CCDC192: variants seen among roughly 807,000 people sequenced by gnomAD.
The protein encoded by CCDC192 is coiled-coil domain-containing protein 192.
chr5:127,835,304 A>C (rs1212089939), intron 5 of CCDC192, among the ~76,000 whole-genome samples: 1 of 152,220 alleles, frequency 6.6e-6, no homozygotes, highest in Admixed American at 6.5e-5. Flanking sequence ...CAGTCAGCAC[A>C]AAATCTGAAA....
At chr5:127,802,379 G>A (rs1464674233) in intron 5 of CCDC192, among the ~76,000 whole-genome samples, 1 of 152,022 alleles carries the variant, frequency 6.6e-6, no homozygotes, top group Non-Finnish European at 1.5e-5. Flanking sequence ...CCTGACCATG[G>A]CATTTATCAT....
chr5:127,712,806 A>G (rs1222332422), intron 2 of CCDC192, among the ~76,000 whole-genome samples: 1 of 152,208 alleles, frequency 6.6e-6, no homozygotes, highest in African/African-American at 2.4e-5. Flanking sequence ...TGGTAGGTGT[A>G]CTTTTAACTT....
chr5:127,719,824 G>C (rs1406882317), intron 2 of CCDC192, among the ~76,000 whole-genome samples: 1 of 60,828 alleles, frequency 1.6e-5, no homozygotes, highest in African/African-American at 6.7e-5. Flanking sequence ...GGCCAGATCA[G>C]AGGAAGGGGC....
chr5:127,887,545 G>T (rs754615997), intron 6 of CCDC192, among the ~76,000 whole-genome samples: 14 of 151,912 alleles, frequency 9.2e-5, no homozygotes, highest in Admixed American at 5.9e-4. Context: ...AGAGTAAATA[G>T]GTTTTTGTAA....
intron 5 of CCDC192, among the ~76,000 whole-genome samples, chr5:127,810,407 TG>T (rs1387466417): frequency 2.6e-5 from 4 of 152,170 alleles, no homozygotes; most frequent in Non-Finnish European, 5.9e-5. Flanking sequence ...TGGTCATACG[TG>T]GAAGTGGTGC....
At chr5:127,832,879 T>C (rs1048801038) in intron 5 of CCDC192, among the ~76,000 whole-genome samples, 2 of 152,180 alleles carry the variant, frequency 1.3e-5, no homozygotes, top group Non-Finnish European at 2.9e-5. Context: ...GTGGGTTATC[T>C]TGGGGCTTCA....
At chr5:127,764,791 G>A (rs960556964) in intron 3 of CCDC192, among the ~76,000 whole-genome samples, 5 of 152,122 alleles carry the variant, frequency 3.3e-5, no homozygotes, top group African/African-American at 1.2e-4. Context: ...GTTTACCAAT[G>A]TGTATTGGGC....
chr5:127,892,334 G>A (rs1042108452), intron 6 of CCDC192, among the ~76,000 whole-genome samples: 6 of 152,118 alleles, frequency 3.9e-5, no homozygotes, highest in Non-Finnish European at 8.8e-5. Flanking sequence ...TTGTTGTTTT[G>A]TTACCATGTA....
At chr5:127,874,041 A>G (rs1195061420) in intron 5 of CCDC192, among the ~76,000 whole-genome samples, 1 of 152,188 alleles carries the variant, frequency 6.6e-6, no homozygotes, top group Admixed American at 6.5e-5. Flanking sequence ...GGTCTTCATG[A>G]CTTGGAGGCA....
At chr5:127,752,021 T>G (rs934147276) in intron 2 of CCDC192, among the ~76,000 whole-genome samples, 1 of 151,988 alleles carries the variant, frequency 6.6e-6, no homozygotes, top group African/African-American at 2.4e-5. Flanking sequence ...TTCTTCTAAA[T>G]TTTTTTCAAA....
chr5:127,713,216 A>C (rs1674038656), intron 2 of CCDC192, among the ~76,000 whole-genome samples: 1 of 152,066 alleles, frequency 6.6e-6, no homozygotes, highest in South Asian at 2.1e-4. Flanking sequence ...CCTGGGCAAC[A>C]ACAGCGAAAC....
chr5:127,824,839 C>G (rs1000346362), intron 5 of CCDC192, among the ~76,000 whole-genome samples: 3 of 152,104 alleles, frequency 2.0e-5, no homozygotes, highest in Admixed American at 1.3e-4. Flanking sequence ...TAGGAAGTAG[C>G]CTATTTTTCA....
chr5:127,753,523 A>G (rs1031454625), intron 2 of CCDC192, among the ~76,000 whole-genome samples: 10 of 151,990 alleles, frequency 6.6e-5, no homozygotes, highest in Admixed American at 5.2e-4. Flanking sequence ...TGGGGAATCC[A>G]CGTCTCTACT....
At chr5:127,939,397 G>A (rs968201904) in intron 6 of CCDC192, among the ~76,000 whole-genome samples, 1 of 151,906 alleles carries the variant, frequency 6.6e-6, no homozygotes, top group Non-Finnish European at 1.5e-5. Context: ...GATTACAGGC[G>A]TGAGCCACCG....
chr5:127,906,080 C>T (rs935157960), intron 6 of CCDC192, among the ~76,000 whole-genome samples: 1 of 152,062 alleles, frequency 6.6e-6, no homozygotes, highest in African/African-American at 2.4e-5. Flanking sequence ...CAATTCAGTG[C>T]CATTAAGTAC....
At chr5:127,867,966 G>A (rs1270885808) in intron 5 of CCDC192, among the ~76,000 whole-genome samples, 1 of 150,962 alleles carries the variant, frequency 6.6e-6, no homozygotes, top group Non-Finnish European at 1.5e-5. Context: ...AATGCTCTGT[G>A]AAAACAGGTT....
intron 6 of CCDC192, among the ~76,000 whole-genome samples, chr5:127,939,512 G>C (rs1162274430): frequency 1.3e-5 from 2 of 151,968 alleles, no homozygotes; most frequent in Admixed American, 6.6e-5. Context: ...TGTTAGTAAA[G>C]AGCTAATAAT....
At chr5:127,780,775 C>T (rs1234134230) in intron 3 of CCDC192, among the ~76,000 whole-genome samples, 1 of 152,146 alleles carries the variant, frequency 6.6e-6, no homozygotes, top group Non-Finnish European at 1.5e-5. Flanking sequence ...CTGTGGATTG[C>T]CTGCTTACTT....
chr5:127,933,351 A>G (rs1302202965), intron 6 of CCDC192, among the ~76,000 whole-genome samples: 3 of 152,324 alleles, frequency 2.0e-5, no homozygotes, highest in Non-Finnish European at 4.4e-5. Context: ...GGGTGACCAG[A>G]GAAGAAGCTA....
Sources: allele counts gnomAD v4.1 joint callset (sites outside exome capture counted in the v4.1 genomes callset), GRCh38; gene constraint gnomAD v4.1.1; transcripts MANE v1.5; gene names NCBI Gene and HGNC (gene_info 2026-07-23, HGNC 2026-07-21).